The following CLSTN2 variants were observed in gnomAD, a reference collection of about 807,000 sequenced individuals.
The protein encoded by CLSTN2 is calsyntenin 2.
A neutral mutation model predicts 101.2 loss-of-function variants in CLSTN2; 48 were observed. That is an observed-to-expected ratio of 0.47 (90% confidence interval 0.38 to 0.60). CLSTN2 has a LOEUF of 0.60. Among genes scored for constraint, CLSTN2 ranks in the 20% least tolerant of loss-of-function variants. CLSTN2 has a pLI of 0.00. For missense variants in CLSTN2, 1,160 were observed against 1,238.2 expected (o/e 0.94, Z 0.95); for synonymous variants, 481 against 463.6 (o/e 1.04, Z -0.48).
chr3:140,436,909 G>T (rs1175897733), intron 5 of CLSTN2, among the ~76,000 whole-genome samples: 1 of 152,172 alleles, frequency 6.6e-6, no homozygotes, highest in Non-Finnish European at 1.5e-5. Flanking sequence ...TGCTGAGAAA[G>T]CTGTGTTCCC....
intron 1 of CLSTN2, among the ~76,000 whole-genome samples, chr3:140,035,619 T>C (rs1052574073): frequency 6.6e-6 from 1 of 152,192 alleles, no homozygotes; most frequent in African/African-American, 2.4e-5. Context: ...ACCTGCCTCA[T>C]AGGGTTGTTT....
intron 4 of CLSTN2, among the ~76,000 whole-genome samples, chr3:140,413,504 C>T (rs2088390175): frequency 6.6e-6 from 1 of 152,084 alleles, no homozygotes; most frequent in South Asian, 2.1e-4. Context: ...CCTTCTCAAA[C>T]TTTCAAAACA....
intron 8 of CLSTN2, among the ~76,000 whole-genome samples, chr3:140,526,460 G>T (rs1362106246): frequency 7.1e-6 from 1 of 140,164 alleles, no homozygotes; most frequent in African/African-American, 3.3e-5. Flanking sequence ...GGATTGGAAG[G>T]ATCAATATCA....
intron 10 of CLSTN2, among the ~76,000 whole-genome samples, chr3:140,550,724 C>G (rs1247495050): frequency 2.0e-5 from 3 of 151,490 alleles, no homozygotes; most frequent in South Asian, 2.1e-4. Context: ...CTAGAGTCAT[C>G]ATAGCCTATG....
intron 1 of CLSTN2, among the ~76,000 whole-genome samples, chr3:140,116,882 C>G (rs1457562271): frequency 6.6e-6 from 1 of 152,300 alleles, no homozygotes; most frequent in African/African-American, 2.4e-5. Context: ...TAGCAAAGTG[C>G]ACTGAGTGCT....
intron 8 of CLSTN2, among the ~76,000 whole-genome samples, chr3:140,497,082 C>A (rs1471036992): frequency 2.8e-5 from 4 of 142,202 alleles, no homozygotes; most frequent in African/African-American, 1.1e-4. Flanking sequence ...GCTTGGGTGA[C>A]ACAGCGAGAC....
rs373514842 is a variant in CLSTN2, at chr3:140,272,716, C to A, written c.232+96643C>A. Reference sequence around the variant, plus strand: ...GCAGTGAGCCGAGTTTGTGCCACTGCTCTCCAGCGTGGGTGACAGAGCAAG... The same window carrying A: ...GCAGTGAGCCGAGTTTGTGCCACTGATCTCCAGCGTGGGTGACAGAGCAAG... On this transcript the variant is annotated intron_variant, in intron 2 of 16. Coordinates refer to ENST00000458420, the MANE Select transcript of CLSTN2 (RefSeq NM_022131.3). Among the ~76,000 whole-genome samples the A allele has an allele frequency of 6.6e-4, 100 of 152,306 alleles. 2 individuals carry two copies. The East Asian group carries it at 0.011, about 17-fold the overall frequency.
intron 2 of CLSTN2, among the ~76,000 whole-genome samples, chr3:140,303,032 C>T (rs1478286338): frequency 2.6e-5 from 4 of 152,096 alleles, no homozygotes; most frequent in Non-Finnish European, 5.9e-5. Context: ...AGGTCCCTGC[C>T]CTTGAAGAGA....
At chr3:139,946,257 C>G (rs1935213319) in intron 1 of CLSTN2, among the ~76,000 whole-genome samples, 1 of 152,150 alleles carries the variant, frequency 6.6e-6, no homozygotes, top group Non-Finnish European at 1.5e-5. Context: ...GCCAAGAAAC[C>G]CTTAACATGT....
intron 1 of CLSTN2, among the ~76,000 whole-genome samples, chr3:140,118,867 C>T (rs1175091192): frequency 2.0e-5 from 3 of 152,306 alleles, no homozygotes; most frequent in Middle Eastern, 3.4e-3. Flanking sequence ...TCATTATTAT[C>T]ACTTCATTTA....
At chr3:140,477,027 C>G (rs1196073305) in intron 8 of CLSTN2, among the ~76,000 whole-genome samples, 1 of 152,100 alleles carries the variant, frequency 6.6e-6, no homozygotes, top group Non-Finnish European at 1.5e-5. Flanking sequence ...GCTGTTCATT[C>G]CATAAGACAA....
intron 4 of CLSTN2, among the ~76,000 whole-genome samples, chr3:140,412,847 G>T (rs1449108815): frequency 6.6e-6 from 1 of 152,210 alleles, no homozygotes; most frequent in East Asian, 1.9e-4. Flanking sequence ...AAATGAAAAT[G>T]AAATCACAAT....
At chr3:140,484,753 G>A (rs897301243) in intron 8 of CLSTN2, among the ~76,000 whole-genome samples, 16 of 152,042 alleles carry the variant, frequency 1.1e-4, no homozygotes, top group African/African-American at 3.6e-4. Context: ...TGATCGAATC[G>A]GCTACTGAGG....
At chr3:140,279,855 C>T (rs1464146319) in intron 2 of CLSTN2, among the ~76,000 whole-genome samples, 2 of 152,230 alleles carry the variant, frequency 1.3e-5, no homozygotes, top group Non-Finnish European at 2.9e-5. Context: ...CTCATGCTGT[C>T]CTGGGGTTTC....
intron 8 of CLSTN2, among the ~76,000 whole-genome samples, chr3:140,493,669 G>C (rs926946269): frequency 6.6e-6 from 1 of 152,262 alleles, no homozygotes. Context: ...AGGGTCAAAG[G>C]CACAAACATC....
chr3:140,414,592 A>G, intron 4 of CLSTN2, among the ~76,000 whole-genome samples: 1 of 152,020 alleles, frequency 6.6e-6, no homozygotes, highest in East Asian at 1.9e-4. Context: ...GTGGGAAGGG[A>G]TAAAAAAAAC....
At chr3:140,283,975 A>C (rs1360527566) in intron 2 of CLSTN2, among the ~76,000 whole-genome samples, 3 of 152,154 alleles carry the variant, frequency 2.0e-5, no homozygotes, top group African/African-American at 7.2e-5. Context: ...AGAAGCTCCA[A>C]CTGTAAAGGA....
intron 1 of CLSTN2, among the ~76,000 whole-genome samples, chr3:140,170,453 C>A (rs1266845166): frequency 6.6e-6 from 1 of 152,176 alleles, no homozygotes; most frequent in African/African-American, 2.4e-5. Flanking sequence ...AGCATTCTTA[C>A]TTTCCAAAAT....
In CLSTN2 at chr3:140,575,444, GAGCTGTTTGA is replaced by G. The variant is rs1159104264; in HGVS notation, c.*9194_*9203del. 2.0e-5 allele frequency: 3 copies of G among 152,210 alleles called. No individual in the cohort carries two copies. Among genetic ancestry groups the G allele is most frequent in the African/African-American group, 7.2e-5 (3 of 41,452 alleles). The allele number at this position is 152,210 out of a possible 1,614,324, so 9.4% of individuals were successfully genotyped here. On this transcript the variant is annotated 3_prime_UTR_variant, in exon 17 of 17. Coordinates refer to ENST00000458420, the MANE Select transcript of CLSTN2 (RefSeq NM_022131.3). Reference sequence around the variant, plus strand: ...GTCAAATCAATTGCTTCCAAAGTCAGAGCTGTTTGAAGGTGATCAGCTCTTAATTGAACTA... The same window carrying G: ...GTCAAATCAATTGCTTCCAAAGTCAGAGGTGATCAGCTCTTAATTGAACTA...
Sources: gnomAD v4.1 joint callset for allele counts (sites outside exome capture counted in the v4.1 genomes callset) on GRCh38, gnomAD v4.1.1 for gene constraint, MANE v1.5 for transcripts, NCBI Gene and HGNC (gene_info 2026-07-23, HGNC 2026-07-21) for gene names.